The following SLC22A24 variants were observed in gnomAD, a reference collection of about 807,000 sequenced individuals.
SLC22A24 encodes the protein steroid transmembrane transporter SLC22A24.
In SLC22A24, 53 loss-of-function variants were observed where a neutral mutation model predicts 49.8. That is an observed-to-expected ratio of 1.06 (90% CI 0.85 to 1.34). The LOEUF is 1.34. Ranked by LOEUF, SLC22A24 falls within the 40% of genes most tolerant of loss-of-function variation. SLC22A24 has a pLI of 0.00. For missense variants in SLC22A24, 786 were observed against 675.9 expected, an observed-to-expected ratio of 1.16 and a Z score of -1.81; for synonymous variants, 302 against 256.4, an observed-to-expected ratio of 1.18 and a Z score of -1.70.
At chr11:63,124,669 A>T (rs2087275694) in intron 2 of SLC22A24, among the ~76,000 whole-genome samples, 1 of 152,178 alleles carries the variant, frequency 6.6e-6, no homozygotes, top group Non-Finnish European at 1.5e-5. Flanking sequence ...TCTTACTAAC[A>T]GTCTTTTCAA....
chr11:63,127,891 A>C (rs1187998384), intron 2 of SLC22A24, among the ~76,000 whole-genome samples: 3 of 152,022 alleles, frequency 2.0e-5, no homozygotes, highest in Non-Finnish European at 1.5e-5. Flanking sequence ...ATAGACTACA[A>C]AAATTTTCTC....
chr11:63,081,134 AAATAAC>A lies in SLC22A24; in HGVS notation c.1395-17_1395-12del, dbSNP rs2086957580. The A allele has an allele frequency of 6.5e-7, 1 of 1,548,718 alleles. No homozygotes were observed. Among genetic ancestry groups the A allele is most frequent in the African/African-American group, 1.4e-5 (1 of 73,028 alleles). ...CCTGCAACTGTTGACCTTAGAGTGCAAATAACAATACAAAAAATCTTGTATGAATCT... is the reference window on the plus strand; with the variant it reads ...CCTGCAACTGTTGACCTTAGAGTGCAAATACAAAAAATCTTGTATGAATCT... On this transcript the variant is annotated splice_polypyrimidine_tract_variant and intron_variant, in intron 8 of 9. Transcript: ENST00000612278.
At position 63,119,325 on chromosome 11, in the gene SLC22A24, T is replaced by C. The variant is rs1436725028; in HGVS notation, c.517A>G (p.Lys173Glu). 3.2e-6 allele frequency: 5 copies of C among 1,541,944 alleles called. No individual in the cohort carries two copies. Among genetic ancestry groups the C allele is most frequent in the Non-Finnish European group, 4.4e-6 (5 of 1,144,208 alleles). Residue 173 changes from lysine (K) to glutamate (E), a missense_variant, in exon 3 of 10, where the codon AAG becomes GAG. By Grantham distance (56) the Lys-to-Glu change is moderately conservative. Coordinates refer to ENST00000612278, the MANE Select transcript of SLC22A24 (RefSeq NM_001136506.2). ...YGHLSDRVGR[K>E]IICKLCFLQL... ...AGGAAACACAATTTGCATATGATCTTCCGTCCAACCCTAAGAAATATTAAA... is the reference window on the plus strand; with the variant it reads ...AGGAAACACAATTTGCATATGATCTCCCGTCCAACCCTAAGAAATATTAAA...
chr11:63,101,191 C>G (rs780105744), intron 5 of SLC22A24, among the ~76,000 whole-genome samples: 5 of 151,854 alleles, frequency 3.3e-5, no homozygotes, highest in Admixed American at 2.0e-4. Flanking sequence ...AGGAGCTCAA[C>G]CCTCATACAC....
At chr11:63,108,937 C>G (rs1315367756) in intron 4 of SLC22A24, among the ~76,000 whole-genome samples, 15 of 144,670 alleles carry the variant, frequency 1.0e-4, no homozygotes, top group Non-Finnish European at 2.0e-4. Context: ...TGCTGGTGTG[C>G]TGCACCCACT....
chr11:63,122,849 G>A (rs772212216), intron 2 of SLC22A24, among the ~76,000 whole-genome samples: 3 of 152,086 alleles, frequency 2.0e-5, no homozygotes, highest in Non-Finnish European at 4.4e-5. Context: ...ACAAATAATA[G>A]TTGTACATAT....
chr11:63,121,693 T>C (rs1383273697), intron 2 of SLC22A24, among the ~76,000 whole-genome samples: 1 of 152,080 alleles, frequency 6.6e-6, no homozygotes, highest in African/African-American at 2.4e-5. Context: ...AATGTGCAGG[T>C]TAGTTACATA....
intron 1 of SLC22A24, among the ~76,000 whole-genome samples, chr11:63,140,233 C>T (rs948011643): frequency 6.6e-6 from 1 of 151,896 alleles, no homozygotes; most frequent in Non-Finnish European, 1.5e-5. Context: ...AGGCACACAC[C>T]ACCATGCCCA....
chr11:63,143,746 C>T lies in SLC22A24; in HGVS notation c.34G>A (p.Gly12Ser). The T allele has an allele frequency of 1.4e-6, 2 of 1,474,542 alleles. No homozygotes were observed. The highest frequency in any genetic ancestry group is 1.4e-5 in the African/African-American group (1 of 70,642). The allele number at this position is 1,474,542 out of a possible 1,614,324, so 91.3% of individuals were successfully genotyped here. ...GFDVLLDQVG[G>S]MGRFQICLIA... ...AGACAAATCTGGAATCTCCCCATGC[C>T]ACCCACTTGATCCAGGAGCACATCA... Residue 12 changes from glycine (G) to serine (S), a missense_variant, in exon 1 of 10, where the codon GGC becomes AGC. By Grantham distance (56) the Gly-to-Ser change is moderately conservative. Transcript: ENST00000612278.
intron 1 of SLC22A24, among the ~76,000 whole-genome samples, chr11:63,140,714 G>A (rs1286770298): frequency 1.3e-5 from 2 of 152,106 alleles, no homozygotes; most frequent in African/African-American, 4.8e-5. Flanking sequence ...AGTTAACATT[G>A]GAATATGAAA....
intron 2 of SLC22A24, among the ~76,000 whole-genome samples, chr11:63,126,481 T>C (rs2087291693): frequency 1.3e-5 from 2 of 152,190 alleles, no homozygotes; most frequent in Admixed American, 1.3e-4. Flanking sequence ...ATGTGTGGTG[T>C]TATTTCTGAG....
intron 6 of SLC22A24, among the ~76,000 whole-genome samples, chr11:63,089,633 TAA>T (rs2087006418): frequency 1.3e-5 from 2 of 152,066 alleles, no homozygotes; most frequent in Non-Finnish European, 2.9e-5. Flanking sequence ...ACAAACTGGA[TAA>T]AGAGTCAAGA....
chr11:63,119,392 C>T, intron 2 of SLC22A24, 57 bp from the exon 3 acceptor site: 3 of 1,431,448 alleles, frequency 2.1e-6, no homozygotes, highest in African/African-American at 2.9e-5. Context: ...ACGTGGAAAA[C>T]TTGACAAACA....
chr11:63,080,262 A>G (rs1476602590), intron 9 of SLC22A24, among the ~76,000 whole-genome samples: 1 of 152,204 alleles, frequency 6.6e-6, no homozygotes, highest in Non-Finnish European at 1.5e-5. Flanking sequence ...TAGTAAATCA[A>G]AGCGAGAATT....
At chr11:63,099,952 G>C (rs1459435865) in intron 5 of SLC22A24, among the ~76,000 whole-genome samples, 1 of 152,050 alleles carries the variant, frequency 6.6e-6, no homozygotes, top group Non-Finnish European at 1.5e-5. Flanking sequence ...AGATATGATA[G>C]ACACACAGCT....
chr11:63,131,428 T>A (rs551123357), intron 2 of SLC22A24, among the ~76,000 whole-genome samples: 3 of 152,306 alleles, frequency 2.0e-5, no homozygotes, highest in African/African-American at 7.2e-5. Flanking sequence ...GTTGTTCCTT[T>A]CCATGTTTAG....
chr11:63,093,980 G>A (rs924648410), intron 6 of SLC22A24, among the ~76,000 whole-genome samples: 1 of 35,182 alleles, frequency 2.8e-5, no homozygotes, highest in Non-Finnish European at 1.1e-4. Flanking sequence ...TTTTTTTCCT[G>A]TATTTAAAAA....
Position 63,079,983 on chromosome 11 carries a change from T to A in SLC22A24, c.1616A>T (p.Asn539Ile). Residue 539 changes from asparagine to isoleucine, a missense_variant, in exon 10 of 10, where the codon AAC (asparagine) becomes ATC (isoleucine). Physicochemically the swap from Asn to Ile is moderately radical, Grantham distance 149. Transcript: ENST00000612278. ...DVENDRKDSR[N>I]IKQEDTCMKV... ...CATGCAAGTATCTTCCTGCTTTATG[T>A]TTCTTGAATCTTTTCTGCTGAGAAA... 6.5e-7 allele frequency: 1 copy of A among 1,539,982 alleles called. No individual in the cohort carries two copies. The highest frequency in any genetic ancestry group is 8.8e-7 in the Non-Finnish European group (1 of 1,136,520).
intron 6 of SLC22A24, among the ~76,000 whole-genome samples, chr11:63,090,562 A>T (rs1020142957): frequency 6.6e-6 from 1 of 152,026 alleles, no homozygotes; most frequent in Non-Finnish European, 1.5e-5. Flanking sequence ...ACTCAAAACC[A>T]CACAACTACG....
Sources: allele counts gnomAD v4.1 joint callset (sites outside exome capture counted in the v4.1 genomes callset), GRCh38; gene constraint gnomAD v4.1.1; transcripts MANE v1.5; gene names NCBI Gene and HGNC (gene_info 2026-07-23, HGNC 2026-07-21).